The following ADAMTS2 variants were observed in gnomAD, a reference collection of about 807,000 sequenced individuals.
ADAMTS2 encodes A disintegrin and metalloproteinase with thrombospondin motifs 2.
A neutral mutation model predicts 123.0 loss-of-function variants in ADAMTS2; 50 were observed. The observed-to-expected ratio is 0.41, with a 90% CI of 0.32 to 0.51. ADAMTS2 has a LOEUF of 0.51. ADAMTS2 is among the 20% of genes least tolerant of loss of function. The probability of loss-of-function intolerance (pLI) is 0.35; values close to 1 mark genes in which losing one functional copy is unlikely to be tolerated. For missense variants in ADAMTS2, 1,494 were observed against 1,705.2 expected (o/e 0.88, Z 2.18); for synonymous variants, 678 against 695.4 (o/e 0.98, Z 0.39).
At chr5:179,213,192 C>T (rs1478920895) in intron 3 of ADAMTS2, among the ~76,000 whole-genome samples, 2 of 152,180 alleles carry the variant, frequency 1.3e-5, no homozygotes, top group Non-Finnish European at 2.9e-5. Context: ...CCCCTCATTG[C>T]TCTCTTCCTT....
chr5:179,327,560 C>T (rs546968668), intron 2 of ADAMTS2, among the ~76,000 whole-genome samples: 13 of 152,340 alleles, frequency 8.5e-5, no homozygotes, highest in African/African-American at 3.1e-4. Flanking sequence ...ACCGCCGCCA[C>T]TCATCCCCAT....
chr5:179,165,038 G>C (rs1399132610), intron 5 of ADAMTS2, among the ~76,000 whole-genome samples: 1 of 152,240 alleles, frequency 6.6e-6, no homozygotes, highest in Non-Finnish European at 1.5e-5. Context: ...CTCGCTACTG[G>C]AGGCAGTCGG....
Position 179,207,526 on chromosome 5 carries a change from G to A in ADAMTS2, c.878C>T (p.Thr293Ile). The change falls in exon 4 of 22, where the codon ACA (threonine) becomes ATA (isoleucine). Residue 293 changes from threonine (T) to isoleucine (I), a missense_variant. Transcript: ENST00000251582. ...CACCCCACTCACAATGTTCATGAGT[G>A]TCAGCAGGTACTTCTGTACGTGCTC... The part of the protein sequence containing the change: ...GKEHVQKYLL[T>I]LMNIVNEIYH... 6.7e-7 allele frequency: 1 copy of A among 1,503,092 alleles called. No homozygotes were observed. The highest frequency in any genetic ancestry group is 9.0e-7 in the Non-Finnish European group (1 of 1,108,686). 93.1% of individuals were successfully genotyped at this position (1,503,092 alleles called of 1,614,324 possible). A position where few individuals can be genotyped will look rare whatever the true frequency, so the allele number is the denominator to read the frequency against.
In ADAMTS2 at chr5:179,115,722, G is replaced by A. The variant is rs961413020; in HGVS notation, c.3179-1398C>T. On this transcript the variant is annotated intron_variant, in intron 21 of 21. Coordinates refer to ENST00000251582, the MANE Select transcript of ADAMTS2 (RefSeq NM_014244.5). This position sits in a 1 kb window ranked among gnomAD's most constrained non-coding sequence, Gnocchi z 4.4. ...AGGGAGGGAGAAAGGGAGGGAGAAA[G>A]GCTCAGGCATTGGATGGGAGCCACA... 2.6e-5 allele frequency among the ~76,000 whole-genome samples: 4 copies of A among 152,134 alleles called. No individual in the cohort carries two copies. The highest frequency in any genetic ancestry group is 7.2e-5 in the African/African-American group (3 of 41,420).
Position 179,130,722 on chromosome 5 carries a change from C to T in ADAMTS2, c.2291-624G>A, listed in dbSNP as rs1024680562. ...TCTGCAGTGTGGGGGGTGGCTGCTGCGGGGCAGCTGGGTGATGTGAGTGGG... is the reference window on the plus strand; with the variant it reads ...TCTGCAGTGTGGGGGGTGGCTGCTGTGGGGCAGCTGGGTGATGTGAGTGGG... On this transcript the variant is annotated intron_variant, in intron 15 of 21. Transcript: ENST00000251582. The surrounding 1 kb of genome is among the most constrained non-coding windows in gnomAD (Gnocchi z 4.3). Among the ~76,000 whole-genome samples, 4 of 152,230 alleles carry T rather than the reference C, an allele frequency of 2.6e-5. No homozygotes were observed. The highest frequency in any genetic ancestry group is 4.4e-5 in the Non-Finnish European group (3 of 68,022).
chr5:179,327,240 A>G (rs1757341854), intron 2 of ADAMTS2, among the ~76,000 whole-genome samples: 1 of 152,188 alleles, frequency 6.6e-6, no homozygotes, highest in Non-Finnish European at 1.5e-5. Flanking sequence ...GCCCTGCACA[A>G]TGGGAACCCT....
At position 179,261,763 on chromosome 5, in the gene ADAMTS2, G is replaced by A. The variant is rs552500894; in HGVS notation, c.688+11148C>T. Among the ~76,000 whole-genome samples, 20 of 152,314 alleles carry A rather than the reference G, an allele frequency of 1.3e-4. No homozygotes were observed. The South Asian group carries it at 1.7e-3, about 13-fold the overall frequency. On this transcript the variant is annotated intron_variant, in intron 3 of 21. Transcript: ENST00000251582. ...CCCTGCCCTGCACACTCCTAAGTAC[G>A]TGCAGGCCACAGTTCCTGCATCCAT...
At chr5:179,339,855 G>A (rs192564537) in intron 2 of ADAMTS2, among the ~76,000 whole-genome samples, 24 of 152,362 alleles carry the variant, frequency 1.6e-4, no homozygotes, top group African/African-American at 5.8e-4. Context: ...GCCTGCTGGA[G>A]CCCAGTGTGT....
intron 4 of ADAMTS2, among the ~76,000 whole-genome samples, chr5:179,186,624 C>A (rs910844816): frequency 6.6e-6 from 1 of 152,200 alleles, no homozygotes; most frequent in Non-Finnish European, 1.5e-5. Context: ...GTGTAATTCC[C>A]GACAAAACAC....
chr5:179,276,984 T>C (rs1057455619), intron 2 of ADAMTS2, among the ~76,000 whole-genome samples: 5 of 151,686 alleles, frequency 3.3e-5, no homozygotes, highest in African/African-American at 1.2e-4. Context: ...CCAGCAGGGG[T>C]CAGGCTCCCC....
At chr5:179,298,718 G>C (rs1375401816) in intron 2 of ADAMTS2, among the ~76,000 whole-genome samples, 3 of 152,110 alleles carry the variant, frequency 2.0e-5, no homozygotes, top group Non-Finnish European at 2.9e-5. Flanking sequence ...AGCCCTTGTA[G>C]GAAACTGAGA....
chr5:179,164,041 G>A (rs200994742), intron 5 of ADAMTS2, among the ~76,000 whole-genome samples: 1 of 152,188 alleles, frequency 6.6e-6, no homozygotes, highest in South Asian at 2.1e-4. Context: ...GGTCCCAGCA[G>A]GGGGTACCCC....
intron 3 of ADAMTS2, among the ~76,000 whole-genome samples, chr5:179,236,129 A>G (rs1050411227): frequency 1.3e-5 from 2 of 152,212 alleles, no homozygotes; most frequent in Non-Finnish European, 2.9e-5. Context: ...CCATGAGGTC[A>G]GCTCCGCTCC....
intron 2 of ADAMTS2, among the ~76,000 whole-genome samples, chr5:179,273,816 G>A (rs1033694230): frequency 6.6e-6 from 1 of 151,840 alleles, no homozygotes; most frequent in Non-Finnish European, 1.5e-5. Flanking sequence ...CAAACTCCTC[G>A]CTGGGTCCTC....
intron 3 of ADAMTS2, among the ~76,000 whole-genome samples, chr5:179,238,760 CG>C (rs1309740143): frequency 1.3e-5 from 2 of 151,960 alleles, no homozygotes; most frequent in Non-Finnish European, 2.9e-5. Context: ...GTAGGTGGCC[CG>C]GGTGCTGGGT....
intron 10 of ADAMTS2, among the ~76,000 whole-genome samples, chr5:179,141,287 C>A (rs1431658696): frequency 1.3e-5 from 2 of 152,162 alleles, no homozygotes; most frequent in Non-Finnish European, 2.9e-5. Context: ...ACTTTGCAGG[C>A]TATATAATCT....
At chr5:179,336,850 C>T (rs1757627422) in intron 2 of ADAMTS2, among the ~76,000 whole-genome samples, 1 of 152,166 alleles carries the variant, frequency 6.6e-6, no homozygotes, top group Admixed American at 6.5e-5. Context: ...CACAATAGGC[C>T]CCTGCCTTCC....
chr5:179,257,375 G>T (rs954035319), intron 3 of ADAMTS2, among the ~76,000 whole-genome samples: 1 of 152,212 alleles, frequency 6.6e-6, no homozygotes, highest in Admixed American at 6.5e-5. Context: ...TCCAGGCACG[G>T]GTATAGGTGC....
chr5:179,262,183 T>TGCCACCCCCACCAGCACACCTGCCCG lies in ADAMTS2; in HGVS notation c.688+10702_688+10727dup, dbSNP rs538921698. On this transcript the variant is annotated intron_variant, in intron 3 of 21. Coordinates refer to ENST00000251582, the MANE Select transcript of ADAMTS2 (RefSeq NM_014244.5). The surrounding 1 kb of genome is among the most constrained non-coding windows in gnomAD (Gnocchi z 5.9). Reference sequence around the variant, plus strand: ...TGCACGTGGCCCAGACCACCTAACCTGCCACCCCCACCAGCACACCTGCCC... The same window carrying TGCCACCCCCACCAGCACACCTGCCCG: ...TGCACGTGGCCCAGACCACCTAACCTGCCACCCCCACCAGCACACCTGCCCGGCCACCCCCACCAGCACACCTGCCC... Among the ~76,000 whole-genome samples the TGCCACCCCCACCAGCACACCTGCCCG allele has an allele frequency of 3.3e-5, 5 of 151,820 alleles. No individual in the cohort carries two copies. In the South Asian group the frequency reaches 1.0e-3, roughly 32 times the overall value.
Sources: gnomAD v4.1 joint callset for allele counts (sites outside exome capture counted in the v4.1 genomes callset) on GRCh38, gnomAD v4.1.1 for gene constraint, Gnocchi (gnomAD v3.1) non-coding constraint, MANE v1.5 for transcripts, NCBI Gene and HGNC (gene_info 2026-07-23, HGNC 2026-07-21) for gene names.